PMFBP1: variants seen among roughly 807,000 people sequenced by gnomAD.
PMFBP1 encodes polyamine modulated factor 1 binding protein 1, also known as polyamine-modulated factor 1-binding protein 1.
A neutral mutation model predicts 137.8 loss-of-function variants in PMFBP1; 131 were observed. The ratio of observed to expected loss-of-function variants is 0.95; its 90% CI spans 0.82 to 1.10. The LOEUF (loss-of-function observed/expected upper bound fraction) is 1.10. PMFBP1 is among the 50% of genes least tolerant of loss of function. The pLI, the probability that PMFBP1 is intolerant of heterozygous loss-of-function variation, is 0.00. For missense variants in PMFBP1, 1,199 were observed against 1,175.4 expected, an observed-to-expected ratio of 1.02 and a Z score of -0.29; for synonymous variants, 490 against 450.4, an observed-to-expected ratio of 1.09 and a Z score of -1.11.
Position 72,140,518 on chromosome 16 carries a change from T to C in PMFBP1, c.701A>G (p.Glu234Gly). The change falls in exon 6 of 21, where the codon GAG (glutamate) becomes GGG (glycine). Residue 234 changes from glutamate to glycine, a missense_variant. By Grantham distance (98) the Glu-to-Gly change is moderately conservative (BLOSUM62 -2). Transcript: ENST00000237353. ...CAGTCGTTTCTGAGTCTCCTGATGC[T>C]CTTGAATCATGCAAGGAGAAGTGTA... ...RIYTSPCMIQ[E>G]HQETQKRLSE... 1.2e-6 allele frequency: 2 copies of C among 1,613,238 alleles called. No homozygotes were observed. The highest frequency in any genetic ancestry group is 1.7e-6 in the Non-Finnish European group (2 of 1,179,144).
intron 5 of PMFBP1, among the ~76,000 whole-genome samples, chr16:72,144,824 G>A (rs1314119689): frequency 1.3e-5 from 2 of 152,178 alleles, no homozygotes; most frequent in Non-Finnish European, 2.9e-5. Flanking sequence ...GCAACAAGAA[G>A]AGCTAACTAT....
intron 2 of PMFBP1, among the ~76,000 whole-genome samples, chr16:72,168,051 T>C (rs1385221631): frequency 6.6e-6 from 1 of 152,252 alleles, no homozygotes. Flanking sequence ...TCATCTAATT[T>C]GTACATTTAG....
the PMFBP1 span, among the ~76,000 whole-genome samples, chr16:72,230,342 A>G: frequency 2.0e-5 from 3 of 152,196 alleles, no homozygotes; most frequent in Admixed American, 6.5e-5. Flanking sequence ...AAAATCTTAC[A>G]TTTAAAGGGA....
intron 14 of PMFBP1, among the ~76,000 whole-genome samples, chr16:72,126,726 T>C (rs1306941774): frequency 6.6e-6 from 1 of 152,232 alleles, no homozygotes; most frequent in African/African-American, 2.4e-5. Context: ...GAACATGTAG[T>C]TCTGGTAGAA....
the PMFBP1 span, among the ~76,000 whole-genome samples, chr16:72,226,939 G>A: frequency 6.6e-6 from 1 of 152,104 alleles, no homozygotes; most frequent in Non-Finnish European, 1.5e-5. Context: ...GGCATTGCTT[G>A]GATGTCAAAT....
chr16:72,184,661 C>A, the PMFBP1 span, among the ~76,000 whole-genome samples: 5 of 152,332 alleles, frequency 3.3e-5, no homozygotes, highest in South Asian at 8.3e-4. Flanking sequence ...TAGCCCAACT[C>A]TGGAATTTGT....
At chr16:72,171,566 C>T in intron 1 of PMFBP1, 1 of 292,888 alleles carries the variant, frequency 3.4e-6, no homozygotes, top group South Asian at 4.5e-5. Context: ...TTTTAGATTT[C>T]TATGTACTCT....
the PMFBP1 span, among the ~76,000 whole-genome samples, chr16:72,204,654 A>C: frequency 6.6e-6 from 1 of 152,210 alleles, no homozygotes; most frequent in Non-Finnish European, 1.5e-5. Flanking sequence ...GAATGAGCAG[A>C]GGGAAGGATG....
At chr16:72,243,681 G>A in the PMFBP1 span, among the ~76,000 whole-genome samples, 1 of 152,098 alleles carries the variant, frequency 6.6e-6, no homozygotes, top group South Asian at 2.1e-4. Flanking sequence ...AGTCCAAGTG[G>A]CTCAGTCACA....
At chr16:72,231,120 G>A in the PMFBP1 span, among the ~76,000 whole-genome samples, 1 of 152,166 alleles carries the variant, frequency 6.6e-6, no homozygotes, top group Non-Finnish European at 1.5e-5. Context: ...GTGCAGAGAT[G>A]ATGTGGGGGT....
At chr16:72,169,915 A>G (rs755939877) in intron 2 of PMFBP1, among the ~76,000 whole-genome samples, 5 of 152,196 alleles carry the variant, frequency 3.3e-5, no homozygotes, top group African/African-American at 7.2e-5. Context: ...TGTTTGCCAT[A>G]AAAACAAAAT....
chr16:72,117,005 G>A (rs986547963), downstream of PMFBP1, among the ~76,000 whole-genome samples: 21 of 141,860 alleles, frequency 1.5e-4, no homozygotes, highest in African/African-American at 4.3e-4. Flanking sequence ...GATTCCATGT[G>A]AGTTTTAGGT....
chr16:72,174,282 C>G (rs1000594895), upstream of PMFBP1, among the ~76,000 whole-genome samples: 5 of 152,132 alleles, frequency 3.3e-5, no homozygotes, highest in African/African-American at 1.2e-4. Flanking sequence ...TTGTTTAGCC[C>G]CATTTTCACC....
upstream of PMFBP1, among the ~76,000 whole-genome samples, chr16:72,178,353 T>A (rs1297306349): frequency 1.3e-5 from 2 of 152,206 alleles, no homozygotes; most frequent in Admixed American, 6.5e-5. Context: ...CCACTATAAT[T>A]AATAAATATA....
rs199841156 is a variant in PMFBP1, at chr16:72,126,103, G to C, written c.2118C>G (p.Ser706Arg). ...EIALQKESLM[S>R]LQAQLDKALQ... The stretch of plus-strand genomic sequence containing the variant: ...GAGCTTTGTCCAGCTGGGCCTGCAG[G>C]CTCATTAAGGACTCCTTCTGAAGGG... The change falls in exon 15 of 21, where the codon AGC becomes AGG. Residue 706 changes from serine to arginine, a missense_variant. By Grantham distance (110) the Ser-to-Arg change is moderately radical. Transcript: ENST00000237353. 1 of 1,614,168 alleles carries C rather than the reference G, an allele frequency of 6.2e-7. No homozygotes were observed. Among genetic ancestry groups the C allele is most frequent in the Non-Finnish European group, 8.5e-7 (1 of 1,180,030 alleles).
chr16:72,191,499 T>C, the PMFBP1 span, among the ~76,000 whole-genome samples: 1 of 152,246 alleles, frequency 6.6e-6, no homozygotes, highest in African/African-American at 2.4e-5. Context: ...AGAAGCGACT[T>C]GGCTCATTGC....
chr16:72,241,166 G>C, the PMFBP1 span, among the ~76,000 whole-genome samples: 3 of 152,116 alleles, frequency 2.0e-5, no homozygotes, highest in South Asian at 4.1e-4. Flanking sequence ...CCCTCCTCCA[G>C]GACAGATAAA....
chr16:72,191,246 G>T, the PMFBP1 span, among the ~76,000 whole-genome samples: 1 of 152,190 alleles, frequency 6.6e-6, no homozygotes, highest in Admixed American at 6.5e-5. Context: ...GGAAGCGCAG[G>T]GTATAGTTAA....
chr16:72,128,306 C>A, intron 14 of PMFBP1: 1 of 1,146,984 alleles, frequency 8.7e-7, no homozygotes, highest in Non-Finnish European at 1.1e-6. Flanking sequence ...CTTTCATCTC[C>A]TTTTTGTGCT....
Sources: allele counts gnomAD v4.1 joint callset (sites outside exome capture counted in the v4.1 genomes callset), GRCh38; gene constraint gnomAD v4.1.1; transcripts MANE v1.5; gene names NCBI Gene and HGNC (gene_info 2026-07-23, HGNC 2026-07-21).